CRTAC1: variants seen among roughly 807,000 people sequenced by gnomAD.
The protein encoded by CRTAC1 is acidic secreted protein in cartilage.
A neutral mutation model predicts 67.8 loss-of-function variants in CRTAC1; 37 were observed. The observed-to-expected ratio is 0.55, with a 90% confidence interval of 0.42 to 0.72. The LOEUF is 0.72. Ranked by LOEUF, CRTAC1 falls within the 30% of genes least tolerant of loss-of-function variation. The pLI, the probability that CRTAC1 is intolerant of heterozygous loss-of-function variation, is 0.00. For missense variants in CRTAC1, 780 were observed against 931.6 expected, an observed-to-expected ratio of 0.84 and a Z score of 2.12; for synonymous variants, 348 against 371.0, an observed-to-expected ratio of 0.94 and a Z score of 0.71.
At chr10:97,969,262 T>C (rs491267) in intron 2 of CRTAC1, among the ~76,000 whole-genome samples, 64,020 of 151,872 alleles carry the variant, frequency 0.42, 13,848 homozygotes, top group African/African-American at 0.48. Flanking sequence ...GCTTCTAGAA[T>C]TCCTGGGGTC....
chr10:98,001,737 T>A (rs1483924911), intron 2 of CRTAC1, among the ~76,000 whole-genome samples: 1 of 152,190 alleles, frequency 6.6e-6, no homozygotes, highest in African/African-American at 2.4e-5. Flanking sequence ...GAAGTGGGAA[T>A]GTTCGTTTTT....
At chr10:97,873,882 T>G (rs1409441707) in intron 14 of CRTAC1, among the ~76,000 whole-genome samples, 1 of 152,164 alleles carries the variant, frequency 6.6e-6, no homozygotes. Flanking sequence ...CTCTCTGCAC[T>G]CGGGACCCCC....
intron 1 of CRTAC1, among the ~76,000 whole-genome samples, chr10:98,018,360 C>T (rs186247728): frequency 4.7e-4 from 72 of 152,136 alleles, no homozygotes; most frequent in Non-Finnish European, 7.9e-4. Flanking sequence ...TCATCTGTAC[C>T]ATGGAGATCG....
At chr10:97,944,719 C>T (rs1465729924) in intron 2 of CRTAC1, among the ~76,000 whole-genome samples, 1 of 152,164 alleles carries the variant, frequency 6.6e-6, no homozygotes, top group African/African-American at 2.4e-5. Context: ...GATGTTGGAG[C>T]AGTTCTGAGC....
At position 97,895,263 on chromosome 10, in the gene CRTAC1, CG is replaced by C. The variant is rs2050440175; in HGVS notation, c.1467del (p.Val490TrpfsTer16). On this transcript the variant is annotated frameshift_variant, in exon 11 of 15. Transcript: ENST00000370597. LOFTEE classifies it high-confidence loss of function. This position sits in a 1 kb window ranked among gnomAD's most constrained non-coding sequence, Gnocchi z 4.2. ...GGSGYLCEME[P>X]VAHFGLGKDE... ...GACTCACCCAGGCCAAAGTGTGCCACGGGCTCCATCTCACACAGGTAGCCTG... is the reference window on the plus strand; with the variant it reads ...GACTCACCCAGGCCAAAGTGTGCCACGGCTCCATCTCACACAGGTAGCCTG... 6.2e-7 allele frequency: 1 copy of C among 1,611,960 alleles called. No individual in the cohort carries two copies. Among genetic ancestry groups the C allele is most frequent in the African/African-American group, 1.3e-5 (1 of 74,926 alleles).
At chr10:97,938,731 C>G (rs1039725433) in intron 2 of CRTAC1, among the ~76,000 whole-genome samples, 1 of 152,210 alleles carries the variant, frequency 6.6e-6, no homozygotes, top group Non-Finnish European at 1.5e-5. Flanking sequence ...TTACAAAGCA[C>G]TTTCTCATCC....
chr10:97,934,821 G>A (rs531059647), intron 3 of CRTAC1, among the ~76,000 whole-genome samples: 10 of 152,122 alleles, frequency 6.6e-5, no homozygotes, highest in Non-Finnish European at 1.3e-4. Context: ...AGGGACACAG[G>A]GCCCTACATC....
intron 1 of CRTAC1, among the ~76,000 whole-genome samples, chr10:98,027,046 A>G (rs988999042): frequency 6.6e-6 from 1 of 151,968 alleles, no homozygotes; most frequent in Admixed American, 6.5e-5. Context: ...GGGCCCCTGT[A>G]GTCCCAGCTA....
intron 4 of CRTAC1, among the ~76,000 whole-genome samples, 170 bp downstream of exon 4, chr10:97,923,094 T>C (rs2050863547): frequency 6.6e-6 from 1 of 152,122 alleles, no homozygotes; most frequent in African/African-American, 2.4e-5. Context: ...AGACAGGATG[T>C]GAAAGGTACA....
chr10:97,911,044 TG>T, intron 5 of CRTAC1, among the ~76,000 whole-genome samples: 1 of 152,192 alleles, frequency 6.6e-6, no homozygotes. Flanking sequence ...GGAAAGGATG[TG>T]GGGTCACAAC....
intron 14 of CRTAC1, among the ~76,000 whole-genome samples, chr10:97,878,174 C>T (rs760677973): frequency 1.1e-4 from 16 of 152,206 alleles, no homozygotes; most frequent in Non-Finnish European, 5.9e-5. Flanking sequence ...GGCTCCATGA[C>T]CTTGGGCACA....
intron 2 of CRTAC1, among the ~76,000 whole-genome samples, chr10:98,003,462 C>T (rs1842731066): frequency 1.3e-5 from 2 of 152,200 alleles, no homozygotes; most frequent in Non-Finnish European, 2.9e-5. Context: ...CTGGAGGCCG[C>T]CCACATTCCT....
chr10:97,962,891 A>C (rs573395247), intron 2 of CRTAC1, among the ~76,000 whole-genome samples: 98 of 152,074 alleles, frequency 6.4e-4, no homozygotes, highest in Non-Finnish European at 1.3e-3. Flanking sequence ...AAACCAAAAC[A>C]AAAACAAAAA....
At chr10:97,949,927 G>A (rs34833894) in intron 2 of CRTAC1, among the ~76,000 whole-genome samples, 5,493 of 152,282 alleles carry the variant, frequency 0.036, 152 homozygotes, top group Non-Finnish European at 0.057. Context: ...TAATATGTCT[G>A]TCTTTTTCTC....
At chr10:97,900,889 A>ACCCC (rs2050528121) in intron 8 of CRTAC1, among the ~76,000 whole-genome samples, 1 of 121,426 alleles carries the variant, frequency 8.2e-6, no homozygotes, top group Admixed American at 7.8e-5. Flanking sequence ...TAGTGATTGG[A>ACCCC]GCCCGTAGCC....
At chr10:97,964,489 A>C (rs932857993) in intron 2 of CRTAC1, among the ~76,000 whole-genome samples, 3 of 152,218 alleles carry the variant, frequency 2.0e-5, no homozygotes, top group African/African-American at 7.2e-5. Flanking sequence ...GGGGCATCCC[A>C]TAAAACACTC....
chr10:97,876,272 T>C lies in CRTAC1; in HGVS notation c.1819+3977A>G, dbSNP rs149524960. On this transcript the variant is annotated intron_variant, in intron 14 of 14. Transcript: ENST00000370597. ...ATGACCCTGCACAAACCATTTAGCT[T>C]ATCTGTAAACGTGGGATAATTACAA... Among the ~76,000 whole-genome samples the C allele has an allele frequency of 3.8e-3, 586 of 152,330 alleles. 2 individuals carry two copies. Among genetic ancestry groups the C allele is most frequent in the South Asian group, 0.019 (93 of 4,824 alleles).
At chr10:98,015,862 G>A (rs892376319) in intron 1 of CRTAC1, among the ~76,000 whole-genome samples, 1 of 152,114 alleles carries the variant, frequency 6.6e-6, no homozygotes, top group African/African-American at 2.4e-5. Flanking sequence ...ACTACACATC[G>A]AATACCAGGT....
intron 2 of CRTAC1, among the ~76,000 whole-genome samples, chr10:97,993,125 C>T (rs1842491465): frequency 6.6e-6 from 1 of 152,158 alleles, no homozygotes; most frequent in Non-Finnish European, 1.5e-5. Flanking sequence ...ATTTCACTGC[C>T]TCTCCTGTCT....
Sources: gnomAD v4.1 joint callset for allele counts (sites outside exome capture counted in the v4.1 genomes callset) on GRCh38, gnomAD v4.1.1 for gene constraint, Gnocchi (gnomAD v3.1) non-coding constraint, MANE v1.5 for transcripts, NCBI Gene and HGNC (gene_info 2026-07-23, HGNC 2026-07-21) for gene names.